The following PARD3B variants were observed in gnomAD, a reference collection of about 807,000 sequenced individuals.
PARD3B encodes par-3 family cell polarity regulator beta.
In PARD3B, 103 loss-of-function variants were observed where a neutral mutation model predicts 130.2. That is an observed-to-expected ratio of 0.79 (90% confidence interval 0.67 to 0.93). The LOEUF (loss-of-function observed/expected upper bound fraction) is 0.93, where lower values mean the gene tolerates loss of function less well. Ranked by LOEUF, PARD3B falls within the 40% of genes least tolerant of loss-of-function variation. The pLI is 0.00. For synonymous variants in PARD3B, 583 were observed against 553.2 expected (o/e 1.05, Z -0.76); for missense variants, 1,609 against 1,499.2 (o/e 1.07, Z -1.21).
chr2:205,113,394 GT>G (rs5837952), intron 5 of PARD3B, 96 bp from the exon 6 acceptor site: 205,626 of 572,420 alleles, frequency 0.36, 24,404 homozygotes, highest in Admixed American at 0.51. Context: ...CTGAGCAGGG[GT>G]GTGTGTGTGT....
At chr2:204,728,599 G>A (rs755154379) in intron 2 of PARD3B, among the ~76,000 whole-genome samples, 13 of 89,196 alleles carry the variant, frequency 1.5e-4, no homozygotes, top group Non-Finnish European at 2.2e-4. Context: ...CAGTTGCAAA[G>A]CATGCTCACT....
chr2:204,813,275 A>T, intron 2 of PARD3B, among the ~76,000 whole-genome samples: 1 of 152,150 alleles, frequency 6.6e-6, no homozygotes, highest in East Asian at 1.9e-4. Context: ...GCATTTCCCT[A>T]ATAATAACGT....
intron 3 of PARD3B, among the ~76,000 whole-genome samples, chr2:204,974,392 T>G (rs567163010): frequency 3.3e-5 from 5 of 152,320 alleles, no homozygotes; most frequent in Admixed American, 3.3e-4. Flanking sequence ...ACACTTATAT[T>G]TGGTGTTTTA....
chr2:204,812,203 T>C (rs2042986318), intron 2 of PARD3B, among the ~76,000 whole-genome samples: 1 of 152,156 alleles, frequency 6.6e-6, no homozygotes, highest in Admixed American at 6.6e-5. Flanking sequence ...GCATAAAGTT[T>C]TTTGTATGTT....
intron 2 of PARD3B, among the ~76,000 whole-genome samples, chr2:204,739,025 T>A (rs1029330233): frequency 2.0e-5 from 3 of 152,166 alleles, no homozygotes; most frequent in African/African-American, 7.2e-5. Context: ...ATTCTTAGGA[T>A]TCTGCCTAAG....
intron 4 of PARD3B, among the ~76,000 whole-genome samples, chr2:205,084,296 A>T (rs1358560664): frequency 6.6e-6 from 1 of 152,130 alleles, no homozygotes; most frequent in African/African-American, 2.4e-5. Flanking sequence ...GCCTTATGGT[A>T]TCATCTAAAT....
In PARD3B at chr2:205,461,817, C is replaced by T. The variant is rs921080410; in HGVS notation, c.3044+21145C>T. On this transcript the variant is annotated intron_variant, in intron 20 of 22. Coordinates refer to ENST00000406610, the MANE Select transcript of PARD3B (RefSeq NM_001302769.2). The surrounding 1 kb of genome is among the most constrained non-coding windows in gnomAD (Gnocchi z 4.3). ...GATACTCATGCTGCTGGCCTGGGTT[C>T]TGTCGGTGGTGAATCATTAGTTTAA... Among the ~76,000 whole-genome samples the T allele has an allele frequency of 6.6e-6, 1 of 152,210 alleles. No individual in the cohort carries two copies. Among genetic ancestry groups the T allele is most frequent in the Non-Finnish European group, 1.5e-5 (1 of 68,048 alleles).
chr2:204,865,970 T>A (rs768363018), intron 2 of PARD3B, among the ~76,000 whole-genome samples: 21 of 152,200 alleles, frequency 1.4e-4, no homozygotes, highest in Non-Finnish European at 2.8e-4. Flanking sequence ...GACCTTGCTT[T>A]CAGGACAGAT....
chr2:204,718,506 A>G (rs924306245), intron 2 of PARD3B, among the ~76,000 whole-genome samples: 1 of 152,074 alleles, frequency 6.6e-6, no homozygotes, highest in Non-Finnish European at 1.5e-5. Flanking sequence ...TGAGAACAGC[A>G]TAGGGGAAAC....
chr2:204,927,980 G>T (rs1428004068), intron 2 of PARD3B, among the ~76,000 whole-genome samples: 1 of 152,206 alleles, frequency 6.6e-6, no homozygotes, highest in African/African-American at 2.4e-5. Flanking sequence ...ATAAATAATT[G>T]CAAAATTGAG....
intron 22 of PARD3B, among the ~76,000 whole-genome samples, chr2:205,595,130 G>A (rs1385152367): frequency 7.2e-6 from 1 of 139,446 alleles, no homozygotes; most frequent in Non-Finnish European, 1.5e-5. Context: ...GTATTTTCAT[G>A]AAGTGCCTCG....
chr2:204,660,155 C>T (rs2035756651), intron 1 of PARD3B, among the ~76,000 whole-genome samples: 1 of 152,154 alleles, frequency 6.6e-6, no homozygotes, highest in Non-Finnish European at 1.5e-5. Context: ...AGAAGCTATT[C>T]CACAAATGTT....
chr2:205,096,116 G>C (rs1279001354), intron 4 of PARD3B, among the ~76,000 whole-genome samples: 2 of 152,026 alleles, frequency 1.3e-5, no homozygotes, highest in Non-Finnish European at 2.9e-5. Flanking sequence ...GAAAACATTT[G>C]GTCAAATGAA....
chr2:205,449,333 G>T (rs1474649735), intron 20 of PARD3B, among the ~76,000 whole-genome samples: 1 of 151,098 alleles, frequency 6.6e-6, no homozygotes, highest in East Asian at 2.0e-4. Context: ...AGGTTCAAGT[G>T]ATTCTCCTGC....
rs2031312358 is a variant in PARD3B, at chr2:205,125,737, G to T, written c.1434G>T (p.Leu478Phe). The T allele has an allele frequency of 6.2e-7, 1 of 1,613,760 alleles. No individual in the cohort carries two copies. Among genetic ancestry groups the T allele is most frequent in the African/African-American group, 1.3e-5 (1 of 74,888 alleles). ...RQEGHFLPRE[L>F]KGEPDCCALS... The stretch of plus-strand genomic sequence containing the variant: ...AAGGACATTTTCTGCCCCGAGAGTT[G>T]GTAATGTTCAGATCTCAGTCTCACT... Residue 478 changes from leucine to phenylalanine, a missense_variant and splice_region_variant, in exon 10 of 23, where the codon TTG becomes TTT. Leu to Phe is a conservative substitution (Grantham distance 22, BLOSUM62 0). Transcript: ENST00000406610. The surrounding 1 kb of genome is among the most constrained non-coding windows in gnomAD (Gnocchi z 4.0).
chr2:205,152,877 T>G (rs1167231304), intron 10 of PARD3B, among the ~76,000 whole-genome samples: 8 of 152,212 alleles, frequency 5.3e-5, no homozygotes, highest in Admixed American at 5.2e-4. Flanking sequence ...CTCTGTTTTT[T>G]CCCCATCTTT....
Position 205,287,533 on chromosome 2 carries a change from T to C in PARD3B, c.2186-12997T>C, listed in dbSNP as rs997618667. ...AGGCTTAGTTCTAGTTAGCCCTGTG[T>C]GTGTCAGTAGCTGTCCCAGAGCTCA... On this transcript the variant is annotated intron_variant, in intron 16 of 22. Transcript: ENST00000406610. The surrounding 1 kb of genome is among the most constrained non-coding windows in gnomAD (Gnocchi z 4.8). Among the ~76,000 whole-genome samples, 1 of 152,162 alleles carries C rather than the reference T, an allele frequency of 6.6e-6. No individual in the cohort carries two copies. The highest frequency in any genetic ancestry group is 2.4e-5 in the African/African-American group (1 of 41,432).
chr2:205,122,016 C>A lies in PARD3B; in HGVS notation c.1165+67C>A. ...CATGTAAAATTGGTTAAGAGAAATGCATTAAGGCTAATTTAGTTAATTCTC... is the reference window on the plus strand; with the variant it reads ...CATGTAAAATTGGTTAAGAGAAATGAATTAAGGCTAATTTAGTTAATTCTC... On this transcript the variant is annotated intron_variant, in intron 8 of 22. Coordinates refer to ENST00000406610, the MANE Select transcript of PARD3B (RefSeq NM_001302769.2). The surrounding 1 kb of genome is among the most constrained non-coding windows in gnomAD (Gnocchi z 4.3). 1 of 1,313,118 alleles carries A rather than the reference C, an allele frequency of 7.6e-7. No homozygotes were observed. Among genetic ancestry groups the A allele is most frequent in the Non-Finnish European group, 1.0e-6 (1 of 958,252 alleles). 81.3% of individuals were successfully genotyped at this position (1,313,118 alleles called of 1,614,324 possible).
chr2:205,418,026 C>T (rs1356322451), intron 19 of PARD3B, among the ~76,000 whole-genome samples: 5 of 152,004 alleles, frequency 3.3e-5, no homozygotes, highest in Non-Finnish European at 7.4e-5. Flanking sequence ...TCATTTTTTA[C>T]GTTTTCTCAT....
Sources: allele counts gnomAD v4.1 joint callset (sites outside exome capture counted in the v4.1 genomes callset), GRCh38; gene constraint gnomAD v4.1.1; non-coding constraint Gnocchi (gnomAD v3.1); transcripts MANE v1.5; gene names NCBI Gene and HGNC (gene_info 2026-07-23, HGNC 2026-07-21).